Variants in CACNA1B observed in about 807,000 individuals in gnomAD.
CACNA1B encodes calcium voltage-gated channel subunit alpha1 B.
A neutral mutation model predicts 247.2 loss-of-function variants in CACNA1B; 70 were observed. The observed-to-expected ratio is 0.28, with a 90% CI of 0.23 to 0.35. The LOEUF is 0.35. Among genes scored for constraint, CACNA1B ranks in the 10% least tolerant of loss-of-function variants. CACNA1B has a pLI of 1.00. For synonymous variants in CACNA1B, 1,231 were observed against 1,294.4 expected (o/e 0.95, Z 1.05); for missense variants, 2,367 against 3,197.4 (o/e 0.74, Z 6.26).
intron 40 of CACNA1B, among the ~76,000 whole-genome samples, chr9:138,113,750 T>A (rs1478978674): frequency 6.0e-4 from 57 of 94,964 alleles, no homozygotes; most frequent in African/African-American, 1.4e-3. Context: ...GCCCAACTCC[T>A]CCTTGTGGGA....
chr9:137,914,225 C>T lies in CACNA1B; in HGVS notation c.623-429C>T, dbSNP rs1268497425. 2.3e-4 allele frequency among the ~76,000 whole-genome samples: 35 copies of T among 152,166 alleles called. No individual in the cohort carries two copies. The highest frequency in any genetic ancestry group is 2.3e-3 in the Admixed American group (35 of 15,284). Reference sequence around the variant, plus strand: ...CCCTTAGCTCCCAGCATTCTCTGCTCTTCCCTCCTAGAATTCCCTGTTCTT... The same window carrying T: ...CCCTTAGCTCCCAGCATTCTCTGCTTTTCCCTCCTAGAATTCCCTGTTCTT... On this transcript the variant is annotated intron_variant, in intron 4 of 46. Coordinates refer to ENST00000371372, the MANE Select transcript of CACNA1B (RefSeq NM_000718.4). The surrounding 1 kb of genome is among the most constrained non-coding windows in gnomAD (Gnocchi z 4.3).
intron 20 of CACNA1B, among the ~76,000 whole-genome samples, chr9:138,036,607 G>C (rs751660200): frequency 2.6e-5 from 4 of 152,134 alleles, no homozygotes; most frequent in Non-Finnish European, 5.9e-5. Flanking sequence ...TCTGCCTTCT[G>C]TTGTTTCTGT....
At chr9:138,004,611 G>A (rs564295844) in intron 15 of CACNA1B, among the ~76,000 whole-genome samples, 2 of 151,632 alleles carry the variant, frequency 1.3e-5, no homozygotes, top group South Asian at 2.1e-4. Flanking sequence ...AAAACAGCAA[G>A]TTGAAGAATG....
At chr9:138,016,028 GCA>G (rs1589070142) in intron 18 of CACNA1B, among the ~76,000 whole-genome samples, 2 of 151,706 alleles carry the variant, frequency 1.3e-5, no homozygotes, top group South Asian at 2.1e-4. Flanking sequence ...AGTCACAGAA[GCA>G]CACACAGAAT....
chr9:138,061,558 C>T (rs944715029), intron 31 of CACNA1B, among the ~76,000 whole-genome samples: 9 of 152,320 alleles, frequency 5.9e-5, no homozygotes, highest in African/African-American at 1.9e-4. Flanking sequence ...GTCAGGGCAG[C>T]GTCTCCTAAG....
intron 12 of CACNA1B, among the ~76,000 whole-genome samples, chr9:137,981,771 G>A (rs928362077): frequency 3.3e-5 from 5 of 152,164 alleles, no homozygotes; most frequent in Admixed American, 3.3e-4. Flanking sequence ...GAGCCACCAC[G>A]CCTTGCCTGT....
Position 137,957,757 on chromosome 9 carries a change from C to T in CACNA1B, c.1333+70C>T. On this transcript the variant is annotated intron_variant, in intron 10 of 46. Transcript: ENST00000371372. This position sits in a 1 kb window ranked among gnomAD's most constrained non-coding sequence, Gnocchi z 4.7. ...ACATGGAGTGCATGCTCCGCTTCCC[C>T]TGCTACCCAGCCACTGTTGGACGCC... The T allele has an allele frequency of 8.9e-7, 1 of 1,124,740 alleles. No homozygotes were observed. The highest frequency in any genetic ancestry group is 1.3e-6 in the Non-Finnish European group (1 of 796,492). The allele number at this position is 1,124,740 out of a possible 1,614,324, so 69.7% of individuals were successfully genotyped here. A position where few individuals can be genotyped will look rare whatever the true frequency, so the allele number is the denominator to read the frequency against.
At chr9:137,908,733 C>G (rs1287704732) in intron 3 of CACNA1B, among the ~76,000 whole-genome samples, 1 of 151,496 alleles carries the variant, frequency 6.6e-6, no homozygotes, top group African/African-American at 2.4e-5. Flanking sequence ...TGGGTTCACG[C>G]CATTCTCCTG....
intron 12 of CACNA1B, among the ~76,000 whole-genome samples, chr9:137,980,404 GGC>G (rs1958280703): frequency 6.6e-6 from 1 of 152,204 alleles, no homozygotes; most frequent in Non-Finnish European, 1.5e-5. Flanking sequence ...CTGAAAGTGT[GGC>G]TGAGTAGTGC....
At chr9:138,083,022 C>T (rs1960574971) in intron 36 of CACNA1B, among the ~76,000 whole-genome samples, 1 of 150,974 alleles carries the variant, frequency 6.6e-6, no homozygotes, top group Admixed American at 6.6e-5. Context: ...CAGCCCCCAT[C>T]ACCATCTCGG....
intron 12 of CACNA1B, among the ~76,000 whole-genome samples, chr9:137,979,428 CAG>C (rs1236673351): frequency 6.6e-6 from 1 of 152,076 alleles, no homozygotes; most frequent in African/African-American, 2.4e-5. Context: ...GTACATAAGA[CAG>C]AAGTTATAGA....
Position 138,052,162 on chromosome 9 carries a change from A to T in CACNA1B, c.3781A>T (p.Thr1261Ser). The T allele has an allele frequency of 6.2e-7, 1 of 1,611,058 alleles. No individual in the cohort carries two copies. ...RVLRVLRPLK[T>S]IKRLPKLKAV... ...CCTTCGTGTCCTGCGGCCCCTCAAGACCATCAAACGGCTGCCCAAGCTCAA... is the reference window on the plus strand; with the variant it reads ...CCTTCGTGTCCTGCGGCCCCTCAAGTCCATCAAACGGCTGCCCAAGCTCAA... The change falls in exon 25 of 47, where the codon ACC (threonine) becomes TCC (serine). Residue 1261 changes from threonine (T) to serine (S), a missense_variant. Thr to Ser is a moderately conservative substitution (Grantham distance 58). Coordinates refer to ENST00000371372, the MANE Select transcript of CACNA1B (RefSeq NM_000718.4). This position sits in a 1 kb window ranked among gnomAD's most constrained non-coding sequence, Gnocchi z 5.1.
intron 20 of CACNA1B, among the ~76,000 whole-genome samples, chr9:138,038,298 T>C (rs1271556960): frequency 2.6e-5 from 4 of 152,336 alleles, no homozygotes; most frequent in South Asian, 2.1e-4. Context: ...TTGACAGTTA[T>C]CTGGTTTTCG....
At position 138,072,160 on chromosome 9, in the gene CACNA1B, C is replaced by T. The variant is rs1960155372; in HGVS notation, c.4675-1328C>T. Among the ~76,000 whole-genome samples the T allele has an allele frequency of 6.6e-6, 1 of 152,234 alleles. No homozygotes were observed. Among genetic ancestry groups the T allele is most frequent in the African/African-American group, 2.4e-5 (1 of 41,472 alleles). ...TTGCTGATTTGGATCATAGCCCGTC[C>T]TTGTGCCCACTGGCCATGGATATCA... On this transcript the variant is annotated intron_variant, in intron 32 of 46. Transcript: ENST00000371372. The surrounding 1 kb of genome is among the most constrained non-coding windows in gnomAD (Gnocchi z 4.5).
At position 137,900,439 on chromosome 9, in the gene CACNA1B, C is replaced by T. The variant is rs571122085; in HGVS notation, c.531-12741C>T. On this transcript the variant is annotated intron_variant, in intron 3 of 46. Transcript: ENST00000371372. The stretch of plus-strand genomic sequence containing the variant: ...GTGTCTCTGCTGTGTGTGTCTGCGC[C>T]GTGTGTCTCTGTGTCTGTGTATGTG... Among the ~76,000 whole-genome samples the T allele has an allele frequency of 4.6e-3, 705 of 151,712 alleles. 3 individuals are homozygous for T. The highest frequency in any genetic ancestry group is 6.1e-3 in the Non-Finnish European group (415 of 67,896).
intron 11 of CACNA1B, among the ~76,000 whole-genome samples, chr9:137,975,476 G>A (rs1183917495): frequency 2.6e-5 from 4 of 152,076 alleles, no homozygotes; most frequent in South Asian, 2.1e-4. Context: ...CCCCACCTTC[G>A]GTCAGAGATT....
At chr9:138,066,172 G>T (rs1287411643) in intron 31 of CACNA1B, among the ~76,000 whole-genome samples, 1 of 152,236 alleles carries the variant, frequency 6.6e-6, no homozygotes, top group Non-Finnish European at 1.5e-5. Context: ...CTGCAGGGGA[G>T]CTCTGAGGGT....
Position 137,899,095 on chromosome 9 carries a change from T to A in CACNA1B, c.531-14085T>A, listed in dbSNP as rs986447135. The stretch of plus-strand genomic sequence containing the variant: ...CCTTCTTTTTTCTCTCTTTCTTTCT[T>A]TTTTTTTTGTCAGTTGGAGTCTCTC... On this transcript the variant is annotated intron_variant, in intron 3 of 46. Transcript: ENST00000371372. The surrounding 1 kb of genome is among the most constrained non-coding windows in gnomAD (Gnocchi z 5.0). Among the ~76,000 whole-genome samples, 4 of 149,862 alleles carry A rather than the reference T, an allele frequency of 2.7e-5. No individual in the cohort carries two copies. The highest frequency in any genetic ancestry group is 9.8e-5 in the African/African-American group (4 of 40,824).
At position 137,914,374 on chromosome 9, in the gene CACNA1B, C is replaced by T. The variant is rs530514938; in HGVS notation, c.623-280C>T. On this transcript the variant is annotated intron_variant, in intron 4 of 46. Transcript: ENST00000371372. This position sits in a 1 kb window ranked among gnomAD's most constrained non-coding sequence, Gnocchi z 4.3. Reference sequence around the variant, plus strand: ...ACCCCAGACTTCATACCCTGACACCCCCACATCCCACTCCTCTGCCTACTT... The same window carrying T: ...ACCCCAGACTTCATACCCTGACACCTCCACATCCCACTCCTCTGCCTACTT... 5.3e-5 allele frequency among the ~76,000 whole-genome samples: 8 copies of T among 152,260 alleles called. No homozygotes were observed. The highest frequency in any genetic ancestry group is 1.9e-4 in the African/African-American group (8 of 41,552).
Sources: gnomAD v4.1 joint callset for allele counts (sites outside exome capture counted in the v4.1 genomes callset) on GRCh38, gnomAD v4.1.1 for gene constraint, Gnocchi (gnomAD v3.1) non-coding constraint, MANE v1.5 for transcripts, NCBI Gene and HGNC (gene_info 2026-07-23, HGNC 2026-07-21) for gene names.